TENM2: variants seen among roughly 807,000 people sequenced by gnomAD.
TENM2 encodes the protein teneurin-2.
TENM2 carries 52 observed loss-of-function variants against 245.2 expected under a neutral mutation model. The observed-to-expected ratio is 0.21, with a 90% confidence interval of 0.17 to 0.27. TENM2 has a LOEUF of 0.27. TENM2 is among the 10% of genes least tolerant of loss of function. The pLI is 1.00. For synonymous variants in TENM2, 1,363 were observed against 1,438.9 expected, an observed-to-expected ratio of 0.95 and a Z score of 1.19; for missense variants, 3,046 against 3,666.8, an observed-to-expected ratio of 0.83 and a Z score of 4.37.
intron 15 of TENM2, among the ~76,000 whole-genome samples, chr5:168,195,601 TG>T (rs1761357502): frequency 7.5e-6 from 1 of 133,574 alleles, no homozygotes. Flanking sequence ...TGTGTGTGTG[TG>T]TGTGTGTGTT....
the TENM2 span, among the ~76,000 whole-genome samples, chr5:167,082,351 C>G: frequency 6.6e-6 from 1 of 151,800 alleles, no homozygotes; most frequent in Non-Finnish European, 1.5e-5. Flanking sequence ...GTGGTGTGAT[C>G]CCGATTATTG....
rs1232477243 is a variant in TENM2, at chr5:167,899,157, A to G, written c.712+22962A>G. 2.6e-5 allele frequency among the ~76,000 whole-genome samples: 4 copies of G among 152,186 alleles called. No homozygotes were observed. In the East Asian group the frequency reaches 7.7e-4, roughly 29 times the overall value. On this transcript the variant is annotated intron_variant, in intron 3 of 28. Transcript: ENST00000518659. ...AGAGCATTTGCTGAAAAGAGAAAAG[A>G]GGAGAAAGAGGACCGAACCTCCAAT...
the TENM2 span, among the ~76,000 whole-genome samples, chr5:167,043,481 T>C: frequency 6.6e-6 from 1 of 152,032 alleles, no homozygotes; most frequent in South Asian, 2.1e-4. Flanking sequence ...AGAAAGAGCA[T>C]TTAAGGTGAA....
At chr5:167,159,668 C>T in the TENM2 span, among the ~76,000 whole-genome samples, 1 of 152,168 alleles carries the variant, frequency 6.6e-6, no homozygotes, top group African/African-American at 2.4e-5. Flanking sequence ...AGTGTCCAAA[C>T]AGCACAGGTG....
intron 2 of TENM2, among the ~76,000 whole-genome samples, chr5:167,682,218 G>A (rs1018298090): frequency 7.9e-5 from 12 of 151,112 alleles, no homozygotes; most frequent in African/African-American, 1.9e-4. Context: ...GCTGGAGTGC[G>A]GTGGCATGAT....
chr5:167,935,696 G>A (rs571882571), intron 3 of TENM2, among the ~76,000 whole-genome samples: 7 of 152,248 alleles, frequency 4.6e-5, no homozygotes, highest in African/African-American at 1.4e-4. Context: ...GATGATCTGA[G>A]AACTAAAAGA....
rs374761818 is a variant in TENM2, at chr5:167,562,842, A to G, written c.502+187369A>G. ...CGTGTTGGCAGGCGCCTGTAGTCCC[A>G]GCTGCTCGGGAGGCTGAGGCAGGAG... On this transcript the variant is annotated intron_variant, in intron 2 of 28. Transcript: ENST00000518659. 1.2e-3 allele frequency among the ~76,000 whole-genome samples: 176 copies of G among 152,058 alleles called. 3 individuals are homozygous for G. In the South Asian group the frequency reaches 0.019, roughly 17 times the overall value.
At chr5:168,196,272 C>A (rs1279622159) in intron 15 of TENM2, among the ~76,000 whole-genome samples, 1 of 152,098 alleles carries the variant, frequency 6.6e-6, no homozygotes, top group East Asian at 1.9e-4. Flanking sequence ...CTTCACTCTC[C>A]CACCTCTGAA....
At chr5:168,158,850 T>TATATATACAC (rs1339051385) in intron 12 of TENM2, among the ~76,000 whole-genome samples, 1,202 of 61,758 alleles carry the variant, frequency 0.019, 21 homozygotes, top group African/African-American at 0.042. Flanking sequence ...TATATATATA[T>TATATATACAC]ACACACACAC....
chr5:167,796,931 C>G (rs1207634915), intron 2 of TENM2, among the ~76,000 whole-genome samples: 1 of 150,406 alleles, frequency 6.6e-6, no homozygotes, highest in Non-Finnish European at 1.5e-5. Context: ...TTTTCTTATT[C>G]TTTCCTCCCT....
At chr5:168,099,072 G>A (rs1793598213) in intron 9 of TENM2, among the ~76,000 whole-genome samples, 1 of 151,998 alleles carries the variant, frequency 6.6e-6, no homozygotes, top group Middle Eastern at 3.2e-3. Flanking sequence ...ACCACACCCG[G>A]CTAATTTTTG....
At chr5:167,595,403 G>A (rs1404768070) in intron 2 of TENM2, among the ~76,000 whole-genome samples, 1 of 152,134 alleles carries the variant, frequency 6.6e-6, no homozygotes, top group Non-Finnish European at 1.5e-5. Context: ...TCAGCAAATT[G>A]GGATGATGGA....
At chr5:167,894,616 C>T (rs1000725623) in intron 3 of TENM2, among the ~76,000 whole-genome samples, 1 of 152,140 alleles carries the variant, frequency 6.6e-6, no homozygotes, top group African/African-American at 2.4e-5. Flanking sequence ...CTTGGATACC[C>T]CTGCCCCATC....
At chr5:167,481,546 C>A (rs1649411196) in intron 2 of TENM2, among the ~76,000 whole-genome samples, 1 of 152,148 alleles carries the variant, frequency 6.6e-6, no homozygotes, top group Non-Finnish European at 1.5e-5. Flanking sequence ...GTGTGACGCT[C>A]CCTGCTTGGC....
intron 2 of TENM2, among the ~76,000 whole-genome samples, chr5:167,379,456 G>A (rs1460360567): frequency 6.6e-6 from 1 of 152,092 alleles, no homozygotes; most frequent in African/African-American, 2.4e-5. Context: ...GTCATTTAAG[G>A]TGAGTTACTT....
At chr5:167,731,984 G>A (rs1379554082) in intron 2 of TENM2, among the ~76,000 whole-genome samples, 2 of 152,088 alleles carry the variant, frequency 1.3e-5, no homozygotes, top group Admixed American at 6.6e-5. Flanking sequence ...AGCAAATCAA[G>A]ATTAAACAGT....
intron 2 of TENM2, among the ~76,000 whole-genome samples, chr5:167,445,336 T>TATATATATATATATATAGAG (rs368881390): frequency 1.3e-5 from 1 of 77,304 alleles, no homozygotes; most frequent in East Asian, 3.6e-4. Context: ...TATATATATA[T>TATATATATATATATATAGAG]AGAGAGAGAG....
At chr5:167,545,837 A>G (rs1225504002) in intron 2 of TENM2, among the ~76,000 whole-genome samples, 1 of 152,210 alleles carries the variant, frequency 6.6e-6, no homozygotes, top group Non-Finnish European at 1.5e-5. Context: ...GCCCTCCATG[A>G]GTAAATTTGA....
intron 2 of TENM2, among the ~76,000 whole-genome samples, chr5:167,766,693 A>G (rs1166261125): frequency 6.6e-6 from 1 of 152,114 alleles, no homozygotes; most frequent in Non-Finnish European, 1.5e-5. Context: ...CCTGGCCAAC[A>G]TGGTGAAACC....
Sources: allele counts gnomAD v4.1 joint callset (sites outside exome capture counted in the v4.1 genomes callset), GRCh38; gene constraint gnomAD v4.1.1; transcripts MANE v1.5; gene names NCBI Gene and HGNC (gene_info 2026-07-23, HGNC 2026-07-21).